CCSER2: variants seen among roughly 807,000 people sequenced by gnomAD.
The protein encoded by CCSER2 is serine-rich coiled-coil domain-containing protein 2.
In CCSER2, 46 loss-of-function variants were observed where a neutral mutation model predicts 92.3. That is an observed-to-expected ratio of 0.50 (90% CI 0.39 to 0.64). CCSER2 has a LOEUF of 0.64. Ranked by LOEUF, CCSER2 falls within the 30% of genes least tolerant of loss-of-function variation. The probability of loss-of-function intolerance (pLI) is 0.00; values close to 1 mark genes in which losing one functional copy is unlikely to be tolerated. For missense variants in CCSER2, 1,244 were observed against 1,238.9 expected, an observed-to-expected ratio of 1.00 and a Z score of -0.06; for synonymous variants, 433 against 431.4, an observed-to-expected ratio of 1.00 and a Z score of -0.04.
At chr10:84,369,695 T>C (rs1450968046) in intron 1 of CCSER2, among the ~76,000 whole-genome samples, 1 of 152,136 alleles carries the variant, frequency 6.6e-6, no homozygotes, top group African/African-American at 2.4e-5. Flanking sequence ...TTGCATTTGC[T>C]TTTTGTGTCT....
intron 1 of CCSER2, among the ~76,000 whole-genome samples, chr10:84,353,528 C>G (rs544627545): frequency 6.6e-6 from 1 of 152,150 alleles, no homozygotes; most frequent in Non-Finnish European, 1.5e-5. Flanking sequence ...TTGCTCATAA[C>G]GTTTAGTAAG....
At chr10:84,481,864 T>C (rs1847476600) in intron 9 of CCSER2, among the ~76,000 whole-genome samples, 1 of 152,148 alleles carries the variant, frequency 6.6e-6, no homozygotes, top group Non-Finnish European at 1.5e-5. Context: ...TGCCCTACTC[T>C]AGAGCGGCAC....
intron 6 of CCSER2, among the ~76,000 whole-genome samples, chr10:84,443,247 A>G (rs1844687768): frequency 6.6e-6 from 1 of 152,230 alleles, no homozygotes; most frequent in African/African-American, 2.4e-5. Context: ...CAATCTGTCC[A>G]TCTGACAAAG....
chr10:84,417,910 C>A, intron 4 of CCSER2, 49 bp downstream of exon 4: 1 of 879,204 alleles, frequency 1.1e-6, no homozygotes, highest in Non-Finnish European at 1.9e-6. Context: ...TTGAGCTACT[C>A]GACTGTAGCC....
chr10:84,435,679 A>G (rs1199775424), intron 5 of CCSER2, among the ~76,000 whole-genome samples: 1 of 151,662 alleles, frequency 6.6e-6, no homozygotes, highest in Non-Finnish European at 1.5e-5. Context: ...AAAAATAAAT[A>G]ACCAAAAAAA....
At chr10:84,410,876 C>T (rs1842616178) in intron 3 of CCSER2, among the ~76,000 whole-genome samples, 1 of 152,126 alleles carries the variant, frequency 6.6e-6, no homozygotes, top group African/African-American at 2.4e-5. Flanking sequence ...AGATTTTCTT[C>T]TAGGGTTTTT....
chr10:84,479,085 C>A (rs559670897), intron 9 of CCSER2, among the ~76,000 whole-genome samples: 2 of 152,250 alleles, frequency 1.3e-5, no homozygotes, highest in East Asian at 3.9e-4. Context: ...ATTTTGCCAT[C>A]CTCATGGAAG....
intron 1 of CCSER2, among the ~76,000 whole-genome samples, chr10:84,329,302 G>A (rs1843430741): frequency 6.6e-6 from 1 of 152,224 alleles, no homozygotes; most frequent in Admixed American, 6.5e-5. Flanking sequence ...CTTTAGACAT[G>A]TATTTTCATA....
At chr10:84,498,273 C>T (rs936865165) in intron 9 of CCSER2, among the ~76,000 whole-genome samples, 1 of 152,200 alleles carries the variant, frequency 6.6e-6, no homozygotes, top group Non-Finnish European at 1.5e-5. Context: ...ATTTCACAAA[C>T]AGCATAACAG....
rs1284801735 is a variant in CCSER2, at chr10:84,367,203, T to TGAA, written c.-39-3811_-39-3810insGAA. Among the ~76,000 whole-genome samples the TGAA allele has an allele frequency of 2.0e-3, 311 of 152,278 alleles. 1 individual carries two copies. The highest frequency in any genetic ancestry group is 7.4e-3 in the African/African-American group (306 of 41,566). On this transcript the variant is annotated intron_variant, in intron 1 of 9. Coordinates refer to ENST00000372088, the MANE Select transcript of CCSER2 (RefSeq NM_001284240.2). ...TCTGTGATTTGATATATTTTTTCTT[T>TGAA]CCCTCCATAGATTTTTTTTCACCTT...
At chr10:84,512,169 T>C (rs1228638695) in intron 9 of CCSER2, among the ~76,000 whole-genome samples, 1 of 151,856 alleles carries the variant, frequency 6.6e-6, no homozygotes, top group East Asian at 1.9e-4. Flanking sequence ...GTCAGGGAGG[T>C]GGAAGAACTG....
In CCSER2 at chr10:84,420,160, C is replaced by G. The variant is rs891256323; in HGVS notation, c.1705+2299C>G. Among the ~76,000 whole-genome samples the G allele has an allele frequency of 2.6e-5, 4 of 152,288 alleles. No homozygotes were observed. In the South Asian group the frequency reaches 6.2e-4, roughly 24 times the overall value. ...AGAAAGAAAGGATCTTAGAGCCTGC[C>G]TTATCTTTAGCAGACAACAGAAAGT... is the stretch of plus-strand genomic sequence containing the variant. On this transcript the variant is annotated intron_variant, in intron 4 of 9. Transcript: ENST00000372088.
chr10:84,347,571 C>T (rs1468628217), intron 1 of CCSER2, among the ~76,000 whole-genome samples: 4 of 151,370 alleles, frequency 2.6e-5, no homozygotes, highest in South Asian at 2.1e-4. Flanking sequence ...ACCTCCCTCG[C>T]GGACGGGGCG....
At chr10:84,491,230 A>G (rs1848143691) in intron 9 of CCSER2, among the ~76,000 whole-genome samples, 2 of 152,178 alleles carry the variant, frequency 1.3e-5, no homozygotes, top group African/African-American at 2.4e-5. Context: ...TCAGATCTCA[A>G]ACCCCATGCT....
intron 3 of CCSER2, among the ~76,000 whole-genome samples, chr10:84,379,940 G>A (rs538526851): frequency 1.0e-3 from 152 of 152,252 alleles, no homozygotes; most frequent in Non-Finnish European, 1.9e-3. Flanking sequence ...TCTACATGGT[G>A]TAGCAGTGAA....
intron 9 of CCSER2, 139 bp downstream of exon 9, chr10:84,477,803 G>A (rs1194401853): frequency 1.7e-6 from 1 of 579,126 alleles, no homozygotes; most frequent in African/African-American, 1.9e-5. Context: ...ATTTTTGCTT[G>A]TCTCTTAGGT....
intron 1 of CCSER2, among the ~76,000 whole-genome samples, chr10:84,332,938 G>T (rs1843660323): frequency 6.6e-6 from 1 of 151,780 alleles, no homozygotes; most frequent in Non-Finnish European, 1.5e-5. Flanking sequence ...TATATATTTG[G>T]AAAGTTAATA....
intron 8 of CCSER2, among the ~76,000 whole-genome samples, chr10:84,476,627 T>C (rs969849986): frequency 2.6e-4 from 40 of 151,770 alleles, no homozygotes; most frequent in Admixed American, 2.6e-3. Flanking sequence ...GTATTTTTAG[T>C]AGAGATGAGG....
intron 1 of CCSER2, among the ~76,000 whole-genome samples, chr10:84,349,003 A>G (rs1025739644): frequency 1.3e-5 from 2 of 152,150 alleles, no homozygotes; most frequent in Non-Finnish European, 1.5e-5. Flanking sequence ...TATGGACTTC[A>G]CTAAATTTAA....
Sources: allele counts gnomAD v4.1 joint callset (sites outside exome capture counted in the v4.1 genomes callset), GRCh38; gene constraint gnomAD v4.1.1; transcripts MANE v1.5; gene names NCBI Gene and HGNC (gene_info 2026-07-23, HGNC 2026-07-21).